The following PCLO variants were observed in gnomAD, a reference collection of about 807,000 sequenced individuals.
PCLO encodes protein piccolo.
A neutral mutation model predicts 427.5 loss-of-function variants in PCLO; 82 were observed. That is an observed-to-expected ratio of 0.19 (90% confidence interval 0.16 to 0.23). The LOEUF (loss-of-function observed/expected upper bound fraction) is 0.23, where lower values mean the gene tolerates loss of function less well. PCLO is among the 10% of genes least tolerant of loss of function. The pLI, the probability that PCLO is intolerant of heterozygous loss-of-function variation, is 1.00. For synonymous variants in PCLO, 2,357 were observed against 2,155.4 expected, an observed-to-expected ratio of 1.09 and a Z score of -2.59; for missense variants, 6,239 against 6,115.9, an observed-to-expected ratio of 1.02 and a Z score of -0.67.
intron 3 of PCLO, among the ~76,000 whole-genome samples, chr7:83,125,458 T>C (rs916118725): frequency 6.6e-6 from 1 of 152,070 alleles, no homozygotes; most frequent in Non-Finnish European, 1.5e-5. Context: ...AAGGGGGAGA[T>C]GTGGGGAAAA....
intron 9 of PCLO, among the ~76,000 whole-genome samples, chr7:82,885,859 A>G (rs2116083609): frequency 6.6e-6 from 1 of 152,040 alleles, no homozygotes; most frequent in South Asian, 2.1e-4. Flanking sequence ...ACTCCAGGCA[A>G]CGCAGCTAAT....
At position 82,755,204 on chromosome 7, in the gene PCLO, T is replaced by C. The variant is rs1365216645; in HGVS notation, c.*3371A>G. 1.3e-5 allele frequency: 2 copies of C among 152,112 alleles called. No individual in the cohort carries two copies. Among genetic ancestry groups the C allele is most frequent in the African/African-American group, 4.8e-5 (2 of 41,424 alleles). The allele number at this position is 152,112 out of a possible 1,614,324, so 9.4% of individuals were successfully genotyped here. ...CCCACAATATGACTATTTAAATGTGTGTGATCCACAAAATTAATTCCACTG... is the reference window on the plus strand; with the variant it reads ...CCCACAATATGACTATTTAAATGTGCGTGATCCACAAAATTAATTCCACTG... On this transcript the variant is annotated 3_prime_UTR_variant, in exon 25 of 25. Transcript: ENST00000333891.
At chr7:82,927,841 A>G (rs981737658) in intron 6 of PCLO, among the ~76,000 whole-genome samples, 3 of 152,166 alleles carry the variant, frequency 2.0e-5, no homozygotes, top group African/African-American at 7.2e-5. Flanking sequence ...TCAAGTGCAT[A>G]CTATAATTTT....
intron 3 of PCLO, among the ~76,000 whole-genome samples, chr7:82,985,728 A>G (rs913099473): frequency 6.6e-6 from 1 of 151,972 alleles, no homozygotes. Context: ...AATAAAATAC[A>G]AATGTCTTTT....
intron 20 of PCLO, chr7:82,822,223 G>A: frequency 7.7e-7 from 1 of 1,306,550 alleles, no homozygotes; most frequent in South Asian, 1.7e-5. Context: ...AAACATCACA[G>A]ACACTGTATC....
chr7:83,143,956 CTTA>C (rs747521517), intron 2 of PCLO, among the ~76,000 whole-genome samples: 7 of 152,274 alleles, frequency 4.6e-5, no homozygotes, highest in East Asian at 3.9e-4. Flanking sequence ...GCATTGTCCT[CTTA>C]TTATTTCATT....
chr7:82,876,163 A>G (rs1793363480), intron 10 of PCLO, among the ~76,000 whole-genome samples: 1 of 152,146 alleles, frequency 6.6e-6, no homozygotes, highest in South Asian at 2.1e-4. Context: ...TTATTTACAT[A>G]TGTATAATTT....
chr7:82,883,799 C>T (rs1793566200), intron 9 of PCLO, among the ~76,000 whole-genome samples: 1 of 152,126 alleles, frequency 6.6e-6, no homozygotes, highest in African/African-American at 2.4e-5. Flanking sequence ...GAGATGGACT[C>T]TCGCTCTGTT....
intron 22 of PCLO, among the ~76,000 whole-genome samples, chr7:82,767,477 A>G (rs1163063720): frequency 6.6e-6 from 1 of 152,134 alleles, no homozygotes; most frequent in Non-Finnish European, 1.5e-5. Context: ...TAATAATCAC[A>G]TTTTAAAACT....
intron 3 of PCLO, among the ~76,000 whole-genome samples, chr7:82,969,952 C>T (rs1795864494): frequency 6.6e-6 from 1 of 151,966 alleles, no homozygotes; most frequent in Admixed American, 6.6e-5. Context: ...TATGTCTTGT[C>T]ACTATTTGAC....
intron 24 of PCLO, among the ~76,000 whole-genome samples, chr7:82,759,392 G>A (rs930241681): frequency 6.6e-6 from 1 of 151,698 alleles, no homozygotes; most frequent in Non-Finnish European, 1.5e-5. Context: ...AAACTTTTAT[G>A]CTTCTTACTT....
chr7:83,134,302 T>C lies in PCLO; in HGVS notation c.3248A>G (p.Lys1083Arg), dbSNP rs1791655447. Residue 1083 changes from lysine to arginine, a missense_variant, in exon 3 of 25, where the codon AAG becomes AGG. By Grantham distance (26) the Lys-to-Arg change is conservative. Transcript: ENST00000333891. The part of the protein sequence containing the change: ...PPNFNTCTEC[K>R]NQVCNLCGFN... ...TCCACAGAGATTACACACTTGATTC[T>C]TGCATTCAGTGCAAGTATTGAAGTT... 1 of 1,591,484 alleles carries C rather than the reference T, an allele frequency of 6.3e-7. No homozygotes were observed. The highest frequency in any genetic ancestry group is 8.6e-7 in the Non-Finnish European group (1 of 1,168,404).
intron 3 of PCLO, among the ~76,000 whole-genome samples, chr7:83,036,582 C>T (rs557416575): frequency 4.6e-5 from 7 of 152,132 alleles, no homozygotes; most frequent in Middle Eastern, 3.4e-3. Flanking sequence ...CCTATAGATG[C>T]AAATATCCTG....
intron 3 of PCLO, among the ~76,000 whole-genome samples, chr7:82,968,608 C>T (rs1449049255): frequency 2.0e-5 from 3 of 150,416 alleles, no homozygotes; most frequent in Admixed American, 6.6e-5. Flanking sequence ...CAATCTCTGC[C>T]GCCCGGGTTC....
intron 22 of PCLO, among the ~76,000 whole-genome samples, chr7:82,770,619 T>G (rs1790627880): frequency 6.6e-6 from 1 of 151,948 alleles, no homozygotes. Flanking sequence ...ATTTGTCCTG[T>G]TCACTAATCT....
chr7:82,844,605 A>G (rs1189386962), intron 13 of PCLO, among the ~76,000 whole-genome samples: 1 of 152,104 alleles, frequency 6.6e-6, no homozygotes, highest in Non-Finnish European at 1.5e-5. Context: ...TTTCGCATGT[A>G]TTTATCAACT....
chr7:82,802,985 C>G (rs995899100), intron 21 of PCLO, among the ~76,000 whole-genome samples: 20 of 151,944 alleles, frequency 1.3e-4, no homozygotes, highest in Admixed American at 1.2e-3. Flanking sequence ...TGTGAGGGAC[C>G]AAGTTCATGC....
intron 6 of PCLO, among the ~76,000 whole-genome samples, chr7:82,922,383 T>C (rs867364177): frequency 1.3e-5 from 2 of 152,036 alleles, no homozygotes; most frequent in Non-Finnish European, 2.9e-5. Flanking sequence ...GTGGTACATA[T>C]ATACCATGAA....
chr7:82,769,591 A>C (rs1790605699), intron 22 of PCLO, among the ~76,000 whole-genome samples: 1 of 152,134 alleles, frequency 6.6e-6, no homozygotes, highest in African/African-American at 2.4e-5. Context: ...TTTAGAGGCA[A>C]GTTTTAAGTA....
Sources: allele counts gnomAD v4.1 joint callset (sites outside exome capture counted in the v4.1 genomes callset), GRCh38; gene constraint gnomAD v4.1.1; transcripts MANE v1.5; gene names NCBI Gene and HGNC (gene_info 2026-07-23, HGNC 2026-07-21).